Variants in NECAB1 observed in about 807,000 individuals in gnomAD.
NECAB1 encodes N-terminal EF-hand calcium binding protein 1.
In NECAB1, 29 loss-of-function variants were observed where a neutral mutation model predicts 57.5. The observed-to-expected ratio is 0.50, with a 90% confidence interval of 0.38 to 0.69. The LOEUF is 0.69. Among genes scored for constraint, NECAB1 ranks in the 30% least tolerant of loss-of-function variants. The pLI, the probability that NECAB1 is intolerant of heterozygous loss-of-function variation, is 0.00. For missense variants in NECAB1, 372 were observed against 413.8 expected (o/e 0.90, Z 0.88); for synonymous variants, 142 against 147.7 (o/e 0.96, Z 0.28).
chr8:90,850,919 G>C (rs1432448699), intron 3 of NECAB1, among the ~76,000 whole-genome samples: 1 of 152,168 alleles, frequency 6.6e-6, no homozygotes, highest in Non-Finnish European at 1.5e-5. Flanking sequence ...GAGTCTTGAA[G>C]GATGGGGGCT....
intron 4 of NECAB1, among the ~76,000 whole-genome samples, chr8:90,880,722 C>T (rs1362559756): frequency 6.6e-6 from 1 of 152,112 alleles, no homozygotes; most frequent in African/African-American, 2.4e-5. Context: ...TATAATACTA[C>T]ATTGTCAAAA....
chr8:90,891,817 C>T (rs535357437), intron 5 of NECAB1, among the ~76,000 whole-genome samples: 1 of 152,044 alleles, frequency 6.6e-6, no homozygotes, highest in Admixed American at 6.6e-5. Flanking sequence ...CCTCAGCCTC[C>T]CAAGTAGCTG....
intron 7 of NECAB1, among the ~76,000 whole-genome samples, chr8:90,926,084 T>C (rs1463332695): frequency 2.0e-5 from 3 of 152,220 alleles, no homozygotes; most frequent in Non-Finnish European, 4.4e-5. Flanking sequence ...CTGGTGTTTT[T>C]GAAGTTTGTA....
intron 3 of NECAB1, among the ~76,000 whole-genome samples, chr8:90,864,222 A>G (rs146374785): frequency 6.6e-6 from 1 of 151,294 alleles, no homozygotes; most frequent in Non-Finnish European, 1.5e-5. Context: ...AACATTTGTG[A>G]GACTCTGGAA....
chr8:90,884,073 G>T (rs1194380840), intron 5 of NECAB1, among the ~76,000 whole-genome samples: 1 of 152,190 alleles, frequency 6.6e-6, no homozygotes, highest in East Asian at 1.9e-4. Context: ...ATTATTTGGG[G>T]TTTGTTAGTT....
In NECAB1 at chr8:90,924,480, A is replaced by G. The variant is rs1373803154; in HGVS notation, c.495-1055A>G. Reference sequence around the variant, plus strand: ...TTTTGGATGAGTACATTAATCTTAGATTTGTCTTAAACACAGAAGGATTAT... The same window carrying G: ...TTTTGGATGAGTACATTAATCTTAGGTTTGTCTTAAACACAGAAGGATTAT... On this transcript the variant is annotated intron_variant, in intron 6 of 12. Coordinates refer to ENST00000417640, the MANE Select transcript of NECAB1 (RefSeq NM_022351.5). Among the ~76,000 whole-genome samples, 5 of 152,278 alleles carry G rather than the reference A, an allele frequency of 3.3e-5. No individual in the cohort carries two copies. The East Asian group carries it at 9.6e-4, about 29-fold the overall frequency.
chr8:90,808,158 C>T (rs573166377), intron 2 of NECAB1, among the ~76,000 whole-genome samples: 1 of 152,254 alleles, frequency 6.6e-6, no homozygotes, highest in South Asian at 2.1e-4. Flanking sequence ...TTCAGATTCA[C>T]TTTCCTGAGC....
intron 5 of NECAB1, among the ~76,000 whole-genome samples, chr8:90,916,262 A>G (rs1243116807): frequency 6.6e-6 from 1 of 152,234 alleles, no homozygotes; most frequent in East Asian, 1.9e-4. Flanking sequence ...TTCTTCTATT[A>G]GAAAAACTTC....
At chr8:90,792,765 T>G (rs1347145626) in intron 1 of NECAB1, among the ~76,000 whole-genome samples, 1 of 152,202 alleles carries the variant, frequency 6.6e-6, no homozygotes, top group East Asian at 1.9e-4. Context: ...TACAGCACTT[T>G]TATTTCTTAT....
intron 3 of NECAB1, among the ~76,000 whole-genome samples, chr8:90,856,052 T>C (rs532163644): frequency 2.3e-4 from 35 of 152,274 alleles, no homozygotes; most frequent in Middle Eastern, 3.4e-3. Flanking sequence ...CTCCTGACCT[T>C]ACTCCAAGCA....
Position 90,863,130 on chromosome 8 carries a change from C to T in NECAB1, c.234-8998C>T, listed in dbSNP as rs571651099. Among the ~76,000 whole-genome samples, 12 of 152,122 alleles carry T rather than the reference C, an allele frequency of 7.9e-5. No homozygotes were observed. The South Asian group carries it at 2.1e-3, about 26-fold the overall frequency. On this transcript the variant is annotated intron_variant, in intron 3 of 12. Transcript: ENST00000417640. ...AGAAGAAGAATAATAAAAAAAAGAA[C>T]GTACTTTTCACTCCCAATCTTTCTC...
intron 3 of NECAB1, among the ~76,000 whole-genome samples, chr8:90,844,601 C>T (rs763767432): frequency 7.2e-5 from 11 of 152,112 alleles, no homozygotes; most frequent in Admixed American, 1.3e-4. Context: ...CTCTCCCACC[C>T]GCAACATCAT....
intron 5 of NECAB1, among the ~76,000 whole-genome samples, chr8:90,907,151 T>TGAGAGAGAGAGAGAGAGA (rs71266152): frequency 9.8e-6 from 1 of 102,042 alleles, no homozygotes; most frequent in African/African-American, 4.4e-5. Flanking sequence ...TGTGTGTGTG[T>TGAGAGAGAGAGAGAGAGA]GAGAGAGAGA....
intron 3 of NECAB1, among the ~76,000 whole-genome samples, chr8:90,860,225 GTTTCTTTTT>G (rs1279061367): frequency 7.4e-6 from 1 of 134,648 alleles, no homozygotes; most frequent in African/African-American, 3.0e-5. Context: ...GTGTTTTTCT[GTTTCTTTTT>G]TTTCTTTTTT....
intron 9 of NECAB1, among the ~76,000 whole-genome samples, chr8:90,937,202 C>T (rs1810559069): frequency 6.6e-6 from 1 of 152,100 alleles, no homozygotes; most frequent in Admixed American, 6.6e-5. Context: ...AAAGCAAAAG[C>T]ATCTTTAATG....
At chr8:90,863,109 G>T (rs1808438504) in intron 3 of NECAB1, among the ~76,000 whole-genome samples, 1 of 151,864 alleles carries the variant, frequency 6.6e-6, no homozygotes, top group Non-Finnish European at 1.5e-5. Flanking sequence ...TTTGAAAGAA[G>T]AAGAATAATA....
At chr8:90,895,890 A>T (rs1048026605) in intron 5 of NECAB1, among the ~76,000 whole-genome samples, 11 of 152,188 alleles carry the variant, frequency 7.2e-5, no homozygotes, top group Admixed American at 5.9e-4. Context: ...ACTCCCTTTT[A>T]TGTTTTCTCA....
At chr8:90,916,422 A>C (rs1809953990) in intron 5 of NECAB1, among the ~76,000 whole-genome samples, 1 of 152,144 alleles carries the variant, frequency 6.6e-6, no homozygotes, top group Non-Finnish European at 1.5e-5. Flanking sequence ...TAGATACCTA[A>C]ATCTTACTTG....
At chr8:90,832,715 C>A (rs1323502964) in intron 3 of NECAB1, among the ~76,000 whole-genome samples, 2 of 152,040 alleles carry the variant, frequency 1.3e-5, no homozygotes, top group East Asian at 3.9e-4. Context: ...AATGTATTGT[C>A]ATTCATAGCC....
Sources: allele counts gnomAD v4.1 joint callset (sites outside exome capture counted in the v4.1 genomes callset), GRCh38; gene constraint gnomAD v4.1.1; transcripts MANE v1.5; gene names NCBI Gene and HGNC (gene_info 2026-07-23, HGNC 2026-07-21).